Variants in ADAMTS17 observed in about 807,000 individuals in gnomAD.
The protein encoded by ADAMTS17 is A disintegrin and metalloproteinase with thrombospondin motifs 17.
Under a neutral mutation model 141.5 loss-of-function variants are expected in ADAMTS17, and 113 were observed. The observed-to-expected ratio is 0.80, with a 90% CI of 0.69 to 0.93. The LOEUF (loss-of-function observed/expected upper bound fraction) is 0.93. ADAMTS17 is among the 40% of genes least tolerant of loss of function. The pLI, the probability that ADAMTS17 is intolerant of heterozygous loss-of-function variation, is 0.00. For missense variants in ADAMTS17, 1,659 were observed against 1,517.9 expected, an observed-to-expected ratio of 1.09 and a Z score of -1.54; for synonymous variants, 768 against 630.6, an observed-to-expected ratio of 1.22 and a Z score of -3.27.
intron 14 of ADAMTS17, among the ~76,000 whole-genome samples, chr15:100,103,501 G>A (rs1363732344): frequency 6.6e-5 from 10 of 152,254 alleles, no homozygotes; most frequent in South Asian, 2.1e-4. Flanking sequence ...AATGAAAGTC[G>A]TCCATTGAAA....
chr15:100,205,881 C>T (rs2041530685), intron 7 of ADAMTS17, among the ~76,000 whole-genome samples: 1 of 152,276 alleles, frequency 6.6e-6, no homozygotes, highest in African/African-American at 2.4e-5. Flanking sequence ...GCGCCGCGGT[C>T]TCTGAAAGAC....
rs543442315 is a variant in ADAMTS17, at chr15:100,069,946, A to G, written c.2138-15892T>C. Among the ~76,000 whole-genome samples the G allele has an allele frequency of 2.1e-4, 32 of 150,428 alleles. 2 individuals are homozygous for G. The highest frequency in any genetic ancestry group is 7.1e-4 in the African/African-American group (29 of 40,704). On this transcript the variant is annotated intron_variant, in intron 15 of 21. Transcript: ENST00000268070. ...ATGCTCCAATTAAAAGACACAGACT[A>G]GCAAACTGGATAAAGAGTCAAGACC...
chr15:100,138,033 G>A (rs1173932462), intron 10 of ADAMTS17, among the ~76,000 whole-genome samples: 1 of 152,164 alleles, frequency 6.6e-6, no homozygotes, highest in Non-Finnish European at 1.5e-5. Flanking sequence ...TTATATCTCA[G>A]TTGGCACTGA....
intron 7 of ADAMTS17, among the ~76,000 whole-genome samples, chr15:100,219,644 G>T (rs970236944): frequency 1.3e-5 from 2 of 152,130 alleles, no homozygotes; most frequent in Non-Finnish European, 2.9e-5. Flanking sequence ...CCTTCTAGTT[G>T]GCTCACTCAA....
chr15:100,276,545 A>G (rs1489766972), intron 4 of ADAMTS17, among the ~76,000 whole-genome samples: 1 of 148,828 alleles, frequency 6.7e-6, no homozygotes, highest in Admixed American at 6.7e-5. Flanking sequence ...GTGCCTGGCC[A>G]TCAGCACGAA....
chr15:100,166,341 G>A (rs961420131), intron 8 of ADAMTS17, among the ~76,000 whole-genome samples: 2 of 152,054 alleles, frequency 1.3e-5, no homozygotes, highest in African/African-American at 2.4e-5. Context: ...ACAATATACA[G>A]GCAATTCTCA....
In ADAMTS17 at chr15:100,205,269, C is replaced by T. The variant is rs550840257; in HGVS notation, c.1076-5846G>A. Among the ~76,000 whole-genome samples the T allele has an allele frequency of 2.0e-5, 3 of 152,238 alleles. No individual in the cohort carries two copies. In the South Asian group the frequency reaches 6.2e-4, roughly 32 times the overall value. On this transcript the variant is annotated intron_variant, in intron 7 of 21. Transcript: ENST00000268070. ...CTACAAGATAACATTTTCATGTGTTCTGTGAGTTAAGGGTAAGTGGAGGAA... is the reference window on the plus strand; with the variant it reads ...CTACAAGATAACATTTTCATGTGTTTTGTGAGTTAAGGGTAAGTGGAGGAA...
chr15:100,039,328 G>A (rs919509957), intron 18 of ADAMTS17, among the ~76,000 whole-genome samples: 1 of 152,168 alleles, frequency 6.6e-6, no homozygotes, highest in Middle Eastern at 3.4e-3. Context: ...TTACATGGAA[G>A]GTTAGTTTAC....
intron 3 of ADAMTS17, among the ~76,000 whole-genome samples, chr15:100,314,967 C>G (rs971766816): frequency 1.3e-5 from 2 of 152,206 alleles, no homozygotes; most frequent in Admixed American, 6.5e-5. Context: ...AAACCGGGAA[C>G]TGAAGGAGGC....
intron 8 of ADAMTS17, among the ~76,000 whole-genome samples, chr15:100,190,583 G>C (rs75141948): frequency 6.6e-6 from 1 of 152,228 alleles, no homozygotes; most frequent in Non-Finnish European, 1.5e-5. Context: ...CGGAGCAAGG[G>C]CACAGGGACA....
At chr15:100,167,980 C>T (rs2040014949) in intron 8 of ADAMTS17, among the ~76,000 whole-genome samples, 1 of 152,212 alleles carries the variant, frequency 6.6e-6, no homozygotes, top group Non-Finnish European at 1.5e-5. Flanking sequence ...CAAAAAAACC[C>T]AGATGACCTG....
chr15:99,993,862 G>A lies in ADAMTS17; in HGVS notation c.2797-662C>T, dbSNP rs933136126. On this transcript the variant is annotated intron_variant, in intron 19 of 21. Coordinates refer to ENST00000268070, the MANE Select transcript of ADAMTS17 (RefSeq NM_139057.4). This position sits in a 1 kb window ranked among gnomAD's most constrained non-coding sequence, Gnocchi z 4.3. ...CTTACTTGCAGGAGACCTGGCAAGG[G>A]GCAGTGGGGATGGGACCTGGGCAGG... 2.0e-5 allele frequency among the ~76,000 whole-genome samples: 3 copies of A among 152,332 alleles called. No individual in the cohort carries two copies. In the East Asian group the frequency reaches 5.8e-4, roughly 29 times the overall value.
intron 7 of ADAMTS17, among the ~76,000 whole-genome samples, chr15:100,211,140 A>AAATG (rs2041793993): frequency 1.4e-5 from 2 of 145,352 alleles, no homozygotes; most frequent in Admixed American, 6.9e-5. Context: ...ATAAATAAAT[A>AAATG]AAAATACAAA....
At chr15:100,166,778 C>A (rs2039967398) in intron 8 of ADAMTS17, among the ~76,000 whole-genome samples, 1 of 152,214 alleles carries the variant, frequency 6.6e-6, no homozygotes, top group Admixed American at 6.5e-5. Context: ...GATTCTTGAT[C>A]TAGAAGGCTG....
At chr15:100,085,298 G>A (rs540352939) in intron 15 of ADAMTS17, among the ~76,000 whole-genome samples, 1 of 151,420 alleles carries the variant, frequency 6.6e-6, no homozygotes, top group South Asian at 2.1e-4. Flanking sequence ...AGAGAAAAAA[G>A]AATACAAAGA....
At chr15:100,322,055 T>C (rs377074292) in intron 3 of ADAMTS17, among the ~76,000 whole-genome samples, 14 of 152,000 alleles carry the variant, frequency 9.2e-5, no homozygotes, top group African/African-American at 3.4e-4. Flanking sequence ...CTCCTACAGA[T>C]AGCAACTGTA....
intron 8 of ADAMTS17, among the ~76,000 whole-genome samples, chr15:100,163,506 G>A (rs889082822): frequency 6.6e-6 from 1 of 151,990 alleles, no homozygotes. Context: ...TTAATTAATA[G>A]ACAGGGTCTC....
intron 7 of ADAMTS17, among the ~76,000 whole-genome samples, chr15:100,241,888 C>G (rs1391549741): frequency 6.6e-6 from 1 of 152,194 alleles, no homozygotes; most frequent in South Asian, 2.1e-4. Flanking sequence ...GTTGCTTAAA[C>G]TGAAGTCCTA....
chr15:100,015,482 G>A (rs1278539908), intron 18 of ADAMTS17, among the ~76,000 whole-genome samples: 1 of 152,124 alleles, frequency 6.6e-6, no homozygotes, highest in Non-Finnish European at 1.5e-5. Context: ...ATGCTTTAAA[G>A]AGGTTCTGTT....
Sources: gnomAD v4.1 joint callset for allele counts (sites outside exome capture counted in the v4.1 genomes callset) on GRCh38, gnomAD v4.1.1 for gene constraint, Gnocchi (gnomAD v3.1) non-coding constraint, MANE v1.5 for transcripts, NCBI Gene and HGNC (gene_info 2026-07-23, HGNC 2026-07-21) for gene names.